The following MYO1D variants were observed in gnomAD, a reference collection of about 807,000 sequenced individuals.
The protein encoded by MYO1D is unconventional myosin-Id.
A neutral mutation model predicts 122.0 loss-of-function variants in MYO1D; 83 were observed. That is an observed-to-expected ratio of 0.68 (90% confidence interval 0.57 to 0.82). The LOEUF (loss-of-function observed/expected upper bound fraction) is 0.82. Among genes scored for constraint, MYO1D ranks in the 40% least tolerant of loss-of-function variants. MYO1D has a pLI of 0.00. For missense variants in MYO1D, 1,157 were observed against 1,269.5 expected, an observed-to-expected ratio of 0.91 and a Z score of 1.35; for synonymous variants, 464 against 446.9, an observed-to-expected ratio of 1.04 and a Z score of -0.48.
intron 21 of MYO1D, among the ~76,000 whole-genome samples, chr17:32,599,852 C>T (rs2150909892): frequency 6.6e-6 from 1 of 152,294 alleles, no homozygotes. Context: ...AGGGTTTCAC[C>T]ATGTTGGCCA....
chr17:32,834,815 C>T (rs1226240822), intron 1 of MYO1D, among the ~76,000 whole-genome samples: 3 of 152,224 alleles, frequency 2.0e-5, no homozygotes, highest in Non-Finnish European at 2.9e-5. Context: ...AGATCAAGAC[C>T]ATCGTGGCCA....
chr17:32,738,323 T>C lies in MYO1D; in HGVS notation c.1676A>G (p.Lys559Arg). The C allele has an allele frequency of 6.2e-7, 1 of 1,610,906 alleles. No homozygotes were observed. The highest frequency in any genetic ancestry group is 8.5e-7 in the Non-Finnish European group (1 of 1,178,428). The change falls in exon 14 of 22, where the codon AAG becomes AGG. Residue 559 changes from lysine (K) to arginine (R), a missense_variant. Lys to Arg is a conservative substitution (Grantham distance 26, BLOSUM62 2). Transcript: ENST00000318217. Reference sequence around the variant, plus strand: ...CAAGGTAGCAGCAGTCAGAGGTCGCTTGGTCACCTCTGTAATGCTCAGTTT... The same window carrying C: ...CAAGGTAGCAGCAGTCAGAGGTCGCCTGGTCACCTCTGTAATGCTCAGTTT... ...EGKLSITEVT[K>R]RPLTAATLFK... is the part of the protein sequence containing the mutation.
At chr17:32,853,287 T>G (rs986063283) in intron 1 of MYO1D, among the ~76,000 whole-genome samples, 1 of 152,302 alleles carries the variant, frequency 6.6e-6, no homozygotes, top group Non-Finnish European at 1.5e-5. Flanking sequence ...TGATTATATA[T>G]CTCCTTCATT....
At chr17:32,737,477 T>C (rs1339487253) in intron 14 of MYO1D, among the ~76,000 whole-genome samples, 1 of 151,928 alleles carries the variant, frequency 6.6e-6, no homozygotes, top group Non-Finnish European at 1.5e-5. Context: ...CCTCCCACCT[T>C]AGCCTCCAGA....
intron 17 of MYO1D, among the ~76,000 whole-genome samples, chr17:32,658,169 T>C (rs2088503801): frequency 6.6e-6 from 1 of 152,224 alleles, no homozygotes; most frequent in Non-Finnish European, 1.5e-5. Flanking sequence ...GAGATATATA[T>C]TAAAGAGTTT....
intron 21 of MYO1D, among the ~76,000 whole-genome samples, chr17:32,582,664 TTCAACTCAG>T (rs1597910894): frequency 9.2e-5 from 14 of 152,318 alleles, no homozygotes; most frequent in Admixed American, 3.3e-4. Flanking sequence ...TTCAACTCAG[TTCAACTCAG>T]TTGATAGTGT....
chr17:32,799,707 A>C (rs556544021), intron 1 of MYO1D, among the ~76,000 whole-genome samples: 9 of 152,190 alleles, frequency 5.9e-5, no homozygotes, highest in Non-Finnish European at 1.0e-4. Flanking sequence ...GGATTGCATC[A>C]AACTAAAAAG....
intron 16 of MYO1D, among the ~76,000 whole-genome samples, chr17:32,679,753 G>T (rs940618836): frequency 6.6e-6 from 1 of 151,906 alleles, no homozygotes; most frequent in African/African-American, 2.4e-5. Context: ...GGTCTTTTTT[G>T]GTTCCATATG....
chr17:32,719,270 T>C (rs950836063), intron 15 of MYO1D, among the ~76,000 whole-genome samples: 4 of 152,178 alleles, frequency 2.6e-5, no homozygotes, highest in Non-Finnish European at 4.4e-5. Context: ...CTCATATCTA[T>C]AATAGTCCCT....
At chr17:32,538,547 G>T (rs964330850) in intron 21 of MYO1D, among the ~76,000 whole-genome samples, 6 of 151,500 alleles carry the variant, frequency 4.0e-5, no homozygotes, top group Non-Finnish European at 7.4e-5. Context: ...TGATCCTTGA[G>T]GCTTGGTGTC....
intron 21 of MYO1D, among the ~76,000 whole-genome samples, chr17:32,513,394 T>C (rs992899898): frequency 6.6e-6 from 1 of 152,168 alleles, no homozygotes; most frequent in Non-Finnish European, 1.5e-5. Context: ...CTCTACCATG[T>C]CTTCAGGTTT....
chr17:32,869,338 C>G (rs2091158318), intron 1 of MYO1D, among the ~76,000 whole-genome samples: 1 of 152,186 alleles, frequency 6.6e-6, no homozygotes, highest in East Asian at 1.9e-4. Context: ...AAAGGAGAGA[C>G]ATACAATGCA....
intron 21 of MYO1D, among the ~76,000 whole-genome samples, chr17:32,509,021 T>C (rs1909595485): frequency 6.6e-6 from 1 of 152,238 alleles, no homozygotes; most frequent in South Asian, 2.1e-4. Context: ...CAGCTGGGGC[T>C]AATGTCAACA....
At chr17:32,851,307 T>C (rs1490640136) in intron 1 of MYO1D, among the ~76,000 whole-genome samples, 1 of 152,230 alleles carries the variant, frequency 6.6e-6, no homozygotes, top group Non-Finnish European at 1.5e-5. Context: ...CCTTTTTTCC[T>C]GAGCCTGAAA....
intron 21 of MYO1D, among the ~76,000 whole-genome samples, chr17:32,573,704 T>G (rs1367557865): frequency 2.0e-5 from 3 of 152,208 alleles, no homozygotes; most frequent in South Asian, 2.1e-4. Flanking sequence ...ATTTTTTATT[T>G]TTTAGAGACA....
chr17:32,794,960 TAG>T (rs2090397840), intron 1 of MYO1D, among the ~76,000 whole-genome samples: 1 of 151,996 alleles, frequency 6.6e-6, no homozygotes, highest in Non-Finnish European at 1.5e-5. Flanking sequence ...GATGGAGCAG[TAG>T]AGAGACAGAG....
At chr17:32,662,255 A>T (rs995222776) in intron 16 of MYO1D, among the ~76,000 whole-genome samples, 1 of 152,210 alleles carries the variant, frequency 6.6e-6, no homozygotes, top group African/African-American at 2.4e-5. Flanking sequence ...CTATTCTCTT[A>T]AGTTTCCTTG....
intron 1 of MYO1D, among the ~76,000 whole-genome samples, chr17:32,827,684 A>T (rs1433451258): frequency 6.6e-6 from 1 of 152,226 alleles, no homozygotes; most frequent in Non-Finnish European, 1.5e-5. Flanking sequence ...CCCCCCAAAA[A>T]GGAAAGAGTA....
At chr17:32,697,785 T>C (rs2089192458) in intron 16 of MYO1D, among the ~76,000 whole-genome samples, 1 of 152,222 alleles carries the variant, frequency 6.6e-6, no homozygotes. Flanking sequence ...TCAGAAGACA[T>C]TACCACTTTA....
Sources: gnomAD v4.1 joint callset for allele counts (sites outside exome capture counted in the v4.1 genomes callset) on GRCh38, gnomAD v4.1.1 for gene constraint, MANE v1.5 for transcripts, NCBI Gene and HGNC (gene_info 2026-07-23, HGNC 2026-07-21) for gene names.